VPS8: variants seen among roughly 807,000 people sequenced by gnomAD.
VPS8 encodes the protein vacuolar protein sorting-associated protein 8 homolog.
Under a neutral mutation model 216.4 loss-of-function variants are expected in VPS8, and 129 were observed. The ratio of observed to expected loss-of-function variants is 0.60; its 90% CI spans 0.52 to 0.69. The LOEUF is 0.69. Among genes scored for constraint, VPS8 ranks in the 30% least tolerant of loss-of-function variants. The pLI is 0.00. For synonymous variants in VPS8, 571 were observed against 565.4 expected (o/e 1.01, Z -0.14); for missense variants, 1,531 against 1,683.5 (o/e 0.91, Z 1.59).
At chr3:184,893,217 C>T in intron 22 of VPS8, 1 of 1,258,838 alleles carries the variant, frequency 7.9e-7, no homozygotes, top group Non-Finnish European at 1.0e-6. Context: ...GTCTGTTTTC[C>T]ATCTGTCCCC....
chr3:184,965,048 T>TCG (rs1288661285), intron 38 of VPS8, among the ~76,000 whole-genome samples: 1 of 152,230 alleles, frequency 6.6e-6, no homozygotes, highest in Admixed American at 6.5e-5. Context: ...TTTACATCGC[T>TCG]ACCAGCAACA....
intron 36 of VPS8, among the ~76,000 whole-genome samples, chr3:184,946,701 C>G (rs542445297): frequency 6.6e-6 from 1 of 152,112 alleles, no homozygotes; most frequent in South Asian, 2.1e-4. Context: ...CAGTGCTGAC[C>G]TACGTGTTCA....
At chr3:185,006,997 C>T (rs935960664) in intron 45 of VPS8, among the ~76,000 whole-genome samples, 6 of 152,180 alleles carry the variant, frequency 3.9e-5, no homozygotes, top group Non-Finnish European at 7.3e-5. Context: ...TGTCTCACTG[C>T]TTTTTTCATA....
Position 184,886,192 on chromosome 3 carries a change from G to A in VPS8, c.1781+36G>A, listed in dbSNP as rs754652843. 102 of 1,584,824 alleles carry A rather than the reference G, an allele frequency of 6.4e-5. 1 individual carries two copies. Among genetic ancestry groups the A allele is most frequent in the Middle Eastern group, 3.3e-4 (2 of 6,044 alleles). On this transcript the variant is annotated intron_variant, in intron 22 of 47. Coordinates refer to ENST00000625842, the MANE Select transcript of VPS8 (RefSeq NM_001009921.3). Reference sequence around the variant, plus strand: ...GTTGCCTGTCACATTCAATTATTTTGAACCCAGGTAGCCTCTTATGTATAA... The same window carrying A: ...GTTGCCTGTCACATTCAATTATTTTAAACCCAGGTAGCCTCTTATGTATAA...
Position 185,048,573 on chromosome 3 carries a change from GGTT to G in VPS8, c.4137+18_4137+20del. On this transcript the variant is annotated intron_variant, in intron 47 of 47. Transcript: ENST00000625842. ...GGAAGCTCCAGGGTAATGTTTGCGTGGTTGTTTATATTTTTATTTCCCTATTTA... is the reference window on the plus strand; with the variant it reads ...GGAAGCTCCAGGGTAATGTTTGCGTGGTTTATATTTTTATTTCCCTATTTA... 6.2e-7 allele frequency: 1 copy of G among 1,613,194 alleles called. No homozygotes were observed. Among genetic ancestry groups the G allele is most frequent in the Admixed American group, 1.7e-5 (1 of 59,954 alleles).
chr3:184,890,716 T>G (rs564020241), intron 22 of VPS8, among the ~76,000 whole-genome samples: 1 of 151,946 alleles, frequency 6.6e-6, no homozygotes, highest in South Asian at 2.1e-4. Flanking sequence ...GGCATACTAC[T>G]CAGTGTATTA....
At chr3:184,925,108 G>A in intron 30 of VPS8, 127 bp downstream of exon 30, 1 of 1,315,814 alleles carries the variant, frequency 7.6e-7, no homozygotes, top group Non-Finnish European at 1.0e-6. Context: ...GCCTGTTCAG[G>A]TTTTGGATCT....
intron 42 of VPS8, among the ~76,000 whole-genome samples, chr3:184,990,051 C>T (rs962845133): frequency 2.0e-5 from 3 of 151,800 alleles, no homozygotes; most frequent in East Asian, 1.9e-4. Flanking sequence ...CCAGCCTGGG[C>T]GACAGAGCAA....
intron 36 of VPS8, among the ~76,000 whole-genome samples, chr3:184,942,904 GTAGGT>G (rs1337755690): frequency 6.6e-6 from 1 of 152,176 alleles, no homozygotes; most frequent in Admixed American, 6.5e-5. Context: ...GGGAGAGAAA[GTAGGT>G]TAAGAAGGTT....
intron 46 of VPS8, among the ~76,000 whole-genome samples, chr3:185,026,996 A>T (rs893308536): frequency 6.6e-6 from 1 of 152,042 alleles, no homozygotes; most frequent in Non-Finnish European, 1.5e-5. Flanking sequence ...GGCGTGAGCC[A>T]CCACGCCCAG....
At chr3:184,877,765 G>A (rs1310527019) in intron 21 of VPS8, among the ~76,000 whole-genome samples, 1 of 152,158 alleles carries the variant, frequency 6.6e-6, no homozygotes, top group Admixed American at 6.5e-5. Flanking sequence ...TCAGACCAAT[G>A]TGTTGTTATG....
At chr3:184,912,898 A>G (rs1736820872) in intron 25 of VPS8, among the ~76,000 whole-genome samples, 1 of 152,014 alleles carries the variant, frequency 6.6e-6, no homozygotes, top group African/African-American at 2.4e-5. Context: ...CAGTCACTTC[A>G]CCCTGTTGAT....
intron 46 of VPS8, among the ~76,000 whole-genome samples, chr3:185,046,433 T>C (rs926221838): frequency 2.4e-4 from 37 of 152,316 alleles, no homozygotes; most frequent in African/African-American, 8.4e-4. Context: ...TGCCTGTTAA[T>C]CTCATGGTGC....
intron 36 of VPS8, among the ~76,000 whole-genome samples, chr3:184,950,216 C>CTTTTTTTTTTTTTTTTT (rs10700220): frequency 7.5e-5 from 3 of 39,930 alleles, no homozygotes; most frequent in African/African-American, 1.0e-4. Flanking sequence ...CAGTTTTCTG[C>CTTTTTTTTTTTTTTTTT]TTTTTTTTTT....
chr3:184,955,901 T>C (rs1383107392), intron 36 of VPS8, among the ~76,000 whole-genome samples: 2 of 150,626 alleles, frequency 1.3e-5, no homozygotes, highest in African/African-American at 2.4e-5. Context: ...AGAACTAAGG[T>C]GGTGGTATAC....
At chr3:184,834,615 T>A in intron 4 of VPS8, 34 bp from the exon 5 acceptor site, 2 of 1,494,248 alleles carry the variant, frequency 1.3e-6, no homozygotes, top group Non-Finnish European at 1.8e-6. Context: ...ACTATTTTTA[T>A]CTGTTTTTAA....
intron 25 of VPS8, among the ~76,000 whole-genome samples, chr3:184,903,101 C>A (rs1734865822): frequency 6.6e-6 from 1 of 152,124 alleles, no homozygotes; most frequent in African/African-American, 2.4e-5. Flanking sequence ...GACCATATAA[C>A]TGTGGATGTG....
chr3:185,000,930 G>T (rs10937194), intron 45 of VPS8, among the ~76,000 whole-genome samples: 101,486 of 152,070 alleles, frequency 0.67, 36,610 homozygotes, highest in East Asian at 0.84. Flanking sequence ...TCAGCCATCA[G>T]CATTGTATTA....
At chr3:184,920,089 A>G in intron 28 of VPS8, 38 bp from the exon 29 acceptor site, 2 of 1,361,612 alleles carry the variant, frequency 1.5e-6, no homozygotes, top group Non-Finnish European at 2.0e-6. Context: ...ACATGTGCAA[A>G]TAATAATTAC....
Sources: gnomAD v4.1 joint callset for allele counts (sites outside exome capture counted in the v4.1 genomes callset) on GRCh38, gnomAD v4.1.1 for gene constraint, MANE v1.5 for transcripts, NCBI Gene and HGNC (gene_info 2026-07-23, HGNC 2026-07-21) for gene names.